The following SPRED2 variants were observed in gnomAD, a reference collection of about 807,000 sequenced individuals.
SPRED2 encodes the protein sprouty-related, EVH1 domain-containing protein 2.
In SPRED2, 47 loss-of-function variants were observed where a neutral mutation model predicts 43.0. The observed-to-expected ratio is 1.09, with a 90% CI of 0.87 to 1.40. The LOEUF is 1.40. SPRED2 is among the 40% of genes most tolerant of loss of function. The pLI, the probability that SPRED2 is intolerant of heterozygous loss-of-function variation, is 0.00. For synonymous variants in SPRED2, 225 were observed against 225.7 expected, an observed-to-expected ratio of 1.00 and a Z score of 0.03; for missense variants, 561 against 586.4, an observed-to-expected ratio of 0.96 and a Z score of 0.45.
intron 1 of SPRED2, 37 bp downstream of exon 1, chr2:65,431,925 G>A (rs769268326): frequency 1.9e-6 from 3 of 1,611,810 alleles, no homozygotes; most frequent in Admixed American, 1.7e-5. Flanking sequence ...CGCTGCCCCT[G>A]AGGGGCACCC....
Position 65,384,541 on chromosome 2 carries a change from G to A in SPRED2, c.27-39645C>T, listed in dbSNP as rs1675446524. Among the ~76,000 whole-genome samples the A allele has an allele frequency of 1.3e-5, 2 of 152,226 alleles. 1 individual carries two copies. The highest frequency in any genetic ancestry group is 4.1e-4 in the South Asian group (2 of 4,830). ...GCAACAGCAGAGCATTAAACCAAGT[G>A]TGGGGCCCTTCTGAGAGCAAGCCGG... is the stretch of plus-strand genomic sequence containing the variant. On this transcript the variant is annotated intron_variant, in intron 1 of 5. Coordinates refer to ENST00000356388, the MANE Select transcript of SPRED2 (RefSeq NM_181784.3).
chr2:65,410,758 C>CAA (rs61170317), intron 1 of SPRED2, among the ~76,000 whole-genome samples: 109 of 128,840 alleles, frequency 8.5e-4, no homozygotes, highest in South Asian at 2.6e-3. Flanking sequence ...GACTCTGTCT[C>CAA]AAAAAAAAAA....
intron 2 of SPRED2, among the ~76,000 whole-genome samples, chr2:65,337,330 T>C (rs913210742): frequency 6.6e-6 from 1 of 151,904 alleles, no homozygotes; most frequent in African/African-American, 2.4e-5. Flanking sequence ...ACTTAAAACT[T>C]GAGAAAGGCT....
intron 1 of SPRED2, among the ~76,000 whole-genome samples, chr2:65,345,259 G>GTTGTTTTTTTT (rs757675092): frequency 3.6e-5 from 4 of 111,344 alleles, no homozygotes; most frequent in African/African-American, 9.7e-5. Flanking sequence ...TTTAGTTGTT[G>GTTGTTTTTTTT]TTTTTTTTTT....
intron 1 of SPRED2, among the ~76,000 whole-genome samples, chr2:65,349,330 A>AAG (rs397963782): frequency 6.7e-6 from 1 of 150,134 alleles, no homozygotes; most frequent in Admixed American, 6.6e-5. Flanking sequence ...AAAAAAAAAA[A>AAG]GAATCTTCTG....
intron 1 of SPRED2, among the ~76,000 whole-genome samples, chr2:65,363,005 GTTTTTTTTTTTTTTTTT>G (rs113081105): frequency 5.8e-5 from 7 of 121,104 alleles, no homozygotes; most frequent in Middle Eastern, 4.9e-3. Flanking sequence ...ATCATGTTTT[GTTTTTTTTTTTTTTTTT>G]TTTTTTTGAA....
At chr2:65,382,646 A>C (rs1379729105) in intron 1 of SPRED2, among the ~76,000 whole-genome samples, 2 of 152,268 alleles carry the variant, frequency 1.3e-5, no homozygotes, top group African/African-American at 4.8e-5. Context: ...GTCATTAATT[A>C]TAACATAGTT....
At chr2:65,358,783 C>T (rs991676928) in intron 1 of SPRED2, among the ~76,000 whole-genome samples, 5 of 152,320 alleles carry the variant, frequency 3.3e-5, no homozygotes, top group East Asian at 3.9e-4. Flanking sequence ...GCCCAATCAA[C>T]GTGGAAAAAT....
chr2:65,341,037 G>C (rs1221859067), intron 2 of SPRED2, among the ~76,000 whole-genome samples: 1 of 147,126 alleles, frequency 6.8e-6, no homozygotes, highest in African/African-American at 2.5e-5. Flanking sequence ...TCTAAGGAGA[G>C]AGAAAGGGGC....
At chr2:65,371,771 T>G (rs1298559677) in intron 1 of SPRED2, among the ~76,000 whole-genome samples, 1 of 130,030 alleles carries the variant, frequency 7.7e-6, no homozygotes, top group Admixed American at 9.0e-5. Context: ...CCAAGTAGAT[T>G]GAAAAAAAAA....
At chr2:65,404,496 G>C (rs1052665602) in intron 1 of SPRED2, among the ~76,000 whole-genome samples, 4 of 152,126 alleles carry the variant, frequency 2.6e-5, no homozygotes, top group African/African-American at 9.7e-5. Context: ...AGTTTCTCAG[G>C]GAGTTTTCTC....
At chr2:65,346,493 T>C (rs117071515) in intron 1 of SPRED2, among the ~76,000 whole-genome samples, 1 of 152,264 alleles carries the variant, frequency 6.6e-6, no homozygotes, top group East Asian at 1.9e-4. Context: ...ACTCTGTACC[T>C]ATGAAAAACA....
intron 1 of SPRED2, among the ~76,000 whole-genome samples, chr2:65,400,711 G>C (rs776056796): frequency 6.6e-5 from 10 of 151,838 alleles, no homozygotes; most frequent in Non-Finnish European, 1.0e-4. Flanking sequence ...TTCCTTTCTT[G>C]CTCTGATGGA....
chr2:65,351,418 G>A (rs1674507538), intron 1 of SPRED2, among the ~76,000 whole-genome samples: 1 of 151,904 alleles, frequency 6.6e-6, no homozygotes, highest in Non-Finnish European at 1.5e-5. Context: ...TGATTACACG[G>A]CTCCTTTATC....
At chr2:65,395,627 G>A (rs1355823362) in intron 1 of SPRED2, among the ~76,000 whole-genome samples, 3 of 152,172 alleles carry the variant, frequency 2.0e-5, no homozygotes, top group Admixed American at 1.3e-4. Context: ...AGTCATTTAA[G>A]GTCTCTAAAT....
chr2:65,396,319 T>C (rs115526285), intron 1 of SPRED2, among the ~76,000 whole-genome samples: 1,823 of 152,298 alleles, frequency 0.012, 34 homozygotes, highest in African/African-American at 0.04. Flanking sequence ...TCCATGTGGG[T>C]TTACTTGAAA....
At chr2:65,326,727 C>T (rs1673631346) in intron 4 of SPRED2, among the ~76,000 whole-genome samples, 1 of 152,240 alleles carries the variant, frequency 6.6e-6, no homozygotes, top group African/African-American at 2.4e-5. Context: ...TGGTCTCAAA[C>T]TCCTGGGCTC....
At chr2:65,369,268 T>TACAC (rs893658963) in intron 1 of SPRED2, among the ~76,000 whole-genome samples, 1 of 83,192 alleles carries the variant, frequency 1.2e-5, no homozygotes, top group Non-Finnish European at 3.1e-5. Context: ...TACATACACA[T>TACAC]ACACACACAC....
At chr2:65,366,627 C>T (rs920857782) in intron 1 of SPRED2, 7 of 1,552,698 alleles carry the variant, frequency 4.5e-6, no homozygotes, top group Middle Eastern at 1.7e-4. Context: ...TTGTGGAGCC[C>T]GAGTGCTGGG....
Sources: gnomAD v4.1 joint callset for allele counts (sites outside exome capture counted in the v4.1 genomes callset) on GRCh38, gnomAD v4.1.1 for gene constraint, MANE v1.5 for transcripts, NCBI Gene and HGNC (gene_info 2026-07-23, HGNC 2026-07-21) for gene names.